GAREM1: variants seen among roughly 807,000 people sequenced by gnomAD.
The protein encoded by GAREM1 is GRB2-associated and regulator of MAPK protein 1.
GAREM1 carries 26 observed loss-of-function variants against 71.3 expected under a neutral mutation model. The ratio of observed to expected loss-of-function variants is 0.36; its 90% CI spans 0.27 to 0.51. GAREM1 has a LOEUF of 0.51. Ranked by LOEUF, GAREM1 falls within the 20% of genes least tolerant of loss-of-function variation. The pLI, the probability that GAREM1 is intolerant of heterozygous loss-of-function variation, is 0.95. For synonymous variants in GAREM1, 440 were observed against 433.2 expected (o/e 1.02, Z -0.20); for missense variants, 1,026 against 1,103.1 (o/e 0.93, Z 0.99).
At chr18:32,461,459 G>A (rs1315469103) in intron 1 of GAREM1, among the ~76,000 whole-genome samples, 3 of 152,110 alleles carry the variant, frequency 2.0e-5, no homozygotes, top group Admixed American at 2.0e-4. Context: ...ACTTTGGGAG[G>A]CCAAAGCAGG....
chr18:32,273,268 C>T (rs1406145351), intron 4 of GAREM1, among the ~76,000 whole-genome samples: 1 of 152,180 alleles, frequency 6.6e-6, no homozygotes, highest in Admixed American at 6.5e-5. Flanking sequence ...CTAAATATGA[C>T]GTTTCATTAG....
At chr18:32,391,768 T>C (rs1207466979) in intron 2 of GAREM1, among the ~76,000 whole-genome samples, 5 of 152,192 alleles carry the variant, frequency 3.3e-5, no homozygotes, top group Non-Finnish European at 7.3e-5. Context: ...CCATGAAGGC[T>C]ACTCTTAGGG....
At chr18:32,397,398 C>A (rs1223572009) in intron 1 of GAREM1, among the ~76,000 whole-genome samples, 1 of 152,110 alleles carries the variant, frequency 6.6e-6, no homozygotes, top group Non-Finnish European at 1.5e-5. Context: ...GTGCTGTATA[C>A]AGGAGACCCA....
chr18:32,406,611 T>A (rs1284646285), intron 1 of GAREM1, among the ~76,000 whole-genome samples: 1 of 151,916 alleles, frequency 6.6e-6, no homozygotes, highest in African/African-American at 2.4e-5. Context: ...AAACAGAAAG[T>A]CAAAAAAGTG....
At chr18:32,317,304 C>T (rs1191658700) in intron 2 of GAREM1, among the ~76,000 whole-genome samples, 3 of 149,440 alleles carry the variant, frequency 2.0e-5, no homozygotes, top group Non-Finnish European at 4.4e-5. Flanking sequence ...ACTTGGGAGG[C>T]TGAGGCAGAA....
chr18:32,297,184 C>T (rs188842757), intron 3 of GAREM1, among the ~76,000 whole-genome samples: 1 of 152,288 alleles, frequency 6.6e-6, no homozygotes, highest in East Asian at 1.9e-4. Flanking sequence ...TAAAGGTTTA[C>T]TGATACTGGG....
intron 4 of GAREM1, among the ~76,000 whole-genome samples, chr18:32,275,301 T>G (rs955040565): frequency 1.3e-5 from 2 of 152,180 alleles, no homozygotes; most frequent in African/African-American, 4.8e-5. Flanking sequence ...GCCTTTCTAT[T>G]TATTTCCAAT....
chr18:32,271,972 A>G (rs1173713747), intron 4 of GAREM1, among the ~76,000 whole-genome samples: 1 of 152,228 alleles, frequency 6.6e-6, no homozygotes, highest in Non-Finnish European at 1.5e-5. Flanking sequence ...TGACTCTGTC[A>G]AAAATGCTAT....
chr18:32,287,471 G>C lies in GAREM1; in HGVS notation c.1126C>G (p.Arg376Gly). The change falls in exon 4 of 6, where the codon CGC becomes GGC. Residue 376 changes from arginine to glycine, a missense_variant. Arg to Gly is a moderately radical substitution (Grantham distance 125). Coordinates refer to ENST00000269209, the MANE Select transcript of GAREM1 (RefSeq NM_001242409.2). This position sits in a 1 kb window ranked among gnomAD's most constrained non-coding sequence, Gnocchi z 5.9. ...TGGAAGGACTGGGTGAGCTCATCGCGGGCGTAGCTGAGCGAATTGGGCACG... is the reference window on the plus strand; with the variant it reads ...TGGAAGGACTGGGTGAGCTCATCGCCGGCGTAGCTGAGCGAATTGGGCACG... The part of the protein sequence containing the change: ...NHVPNSLSYA[R>G]DELTQSFHRL... 1 of 1,614,134 alleles carries C rather than the reference G, an allele frequency of 6.2e-7. No homozygotes were observed. Among genetic ancestry groups the C allele is most frequent in the Non-Finnish European group, 8.5e-7 (1 of 1,180,010 alleles).
chr18:32,321,252 T>A (rs2144538874), intron 2 of GAREM1, among the ~76,000 whole-genome samples: 1 of 152,338 alleles, frequency 6.6e-6, no homozygotes, highest in Non-Finnish European at 1.5e-5. Flanking sequence ...CTCCATGATC[T>A]GCTCCACTTA....
chr18:32,365,617 C>T lies in GAREM1; in HGVS notation c.262+27278G>A, dbSNP rs563336021. ...TGGATGGTGACAATGTACTTTCTGACTTGTTCCCACTCCCACTGGCCTGTT... is the reference window on the plus strand; with the variant it reads ...TGGATGGTGACAATGTACTTTCTGATTTGTTCCCACTCCCACTGGCCTGTT... On this transcript the variant is annotated intron_variant, in intron 2 of 5. Transcript: ENST00000269209. 6.4e-4 allele frequency among the ~76,000 whole-genome samples: 97 copies of T among 152,246 alleles called. 1 individual carries two copies. Among genetic ancestry groups the T allele is most frequent in the African/African-American group, 2.2e-3 (91 of 41,546 alleles).
chr18:32,368,609 T>C (rs1461400604), intron 2 of GAREM1, among the ~76,000 whole-genome samples: 1 of 152,218 alleles, frequency 6.6e-6, no homozygotes, highest in African/African-American at 2.4e-5. Flanking sequence ...CTATCTTTTA[T>C]ATATTAAAGT....
intron 4 of GAREM1, among the ~76,000 whole-genome samples, chr18:32,274,634 T>A (rs2041512752): frequency 6.6e-6 from 1 of 152,168 alleles, no homozygotes; most frequent in Non-Finnish European, 1.5e-5. Flanking sequence ...CTAGTCTATA[T>A]GGGCACGCAG....
In GAREM1 at chr18:32,270,400, C is replaced by T; in HGVS notation, c.1567-17G>A. 6.2e-7 allele frequency: 1 copy of T among 1,602,300 alleles called. No homozygotes were observed. Among genetic ancestry groups the T allele is most frequent in the South Asian group, 1.1e-5 (1 of 89,290 alleles). On this transcript the variant is annotated splice_polypyrimidine_tract_variant and intron_variant, in intron 4 of 5. Coordinates refer to ENST00000269209, the MANE Select transcript of GAREM1 (RefSeq NM_001242409.2). Reference sequence around the variant, plus strand: ...TTCTCTGACCTGGCGCAGAAAAGAACACTCCAGGTTAGCAACAGACTGACA... The same window carrying T: ...TTCTCTGACCTGGCGCAGAAAAGAATACTCCAGGTTAGCAACAGACTGACA...
chr18:32,412,522 C>T (rs1261202280), intron 1 of GAREM1: 5 of 1,596,826 alleles, frequency 3.1e-6, no homozygotes, highest in Admixed American at 1.7e-5. Flanking sequence ...AAGTTTCCTC[C>T]ATGACCGAAG....
At chr18:32,355,462 A>G (rs1025627288) in intron 2 of GAREM1, among the ~76,000 whole-genome samples, 1 of 152,166 alleles carries the variant, frequency 6.6e-6, no homozygotes, top group Non-Finnish European at 1.5e-5. Context: ...TACTTAAGGA[A>G]TCAAGAGTAG....
chr18:32,409,182 A>G (rs1156426545), intron 1 of GAREM1, among the ~76,000 whole-genome samples: 2 of 152,180 alleles, frequency 1.3e-5, no homozygotes, highest in Admixed American at 6.5e-5. Context: ...TGCATGAACT[A>G]TCTTAGGTAT....
Position 32,270,371 on chromosome 18 carries a change from A to G in GAREM1, c.1579T>C (p.Cys527Arg). ...ACAGGTGGGGCGTTCAGGAGCCGGC[A>G]TTCTTCTCTGACCTGGCGCAGAAAA... ...PPKSEAVREECRLLNAPPVPP... is the reference protein window; with the variant it reads ...PPKSEAVREERRLLNAPPVPP... The change falls in exon 5 of 6, where the codon TGC becomes CGC. Residue 527 changes from cysteine (C) to arginine (R), a missense_variant. Around this residue, in one of 3 missense-constraint regions of GAREM1, gnomAD observed 636 missense variants for 631.2 expected, o/e 1.01. Coordinates refer to ENST00000269209, the MANE Select transcript of GAREM1 (RefSeq NM_001242409.2). 1.2e-6 allele frequency: 2 copies of G among 1,612,670 alleles called. No homozygotes were observed. The highest frequency in any genetic ancestry group is 1.7e-6 in the Non-Finnish European group (2 of 1,179,616).
intron 2 of GAREM1, among the ~76,000 whole-genome samples, chr18:32,376,866 CAAAT>C (rs886966151): frequency 1.8e-4 from 27 of 152,088 alleles, no homozygotes; most frequent in Non-Finnish European, 3.1e-4. Flanking sequence ...AATCAACAAA[CAAAT>C]AAATAAACAA....
Sources: gnomAD v4.1 joint callset for allele counts (sites outside exome capture counted in the v4.1 genomes callset) on GRCh38, gnomAD v4.1.1 for gene constraint, gnomAD v4.1.1 regional missense constraint, Gnocchi (gnomAD v3.1) non-coding constraint, MANE v1.5 for transcripts, NCBI Gene and HGNC (gene_info 2026-07-23, HGNC 2026-07-21) for gene names.